Variants in ANKS1B observed in about 807,000 individuals in gnomAD.
ANKS1B encodes the protein ankyrin repeat and sterile alpha motif domain-containing protein 1B.
A neutral mutation model predicts 148.3 loss-of-function variants in ANKS1B; 36 were observed. That is an observed-to-expected ratio of 0.24 (90% CI 0.19 to 0.32). The LOEUF is 0.32. ANKS1B is among the 10% of genes least tolerant of loss of function. The probability of loss-of-function intolerance (pLI) is 1.00; values close to 1 mark genes in which losing one functional copy is unlikely to be tolerated. For synonymous variants in ANKS1B, 542 were observed against 560.8 expected (o/e 0.97, Z 0.47); for missense variants, 1,157 against 1,542.6 (o/e 0.75, Z 4.19).
intron 10 of ANKS1B, among the ~76,000 whole-genome samples, chr12:99,464,414 C>T (rs1299945238): frequency 6.6e-6 from 1 of 152,228 alleles, no homozygotes; most frequent in Non-Finnish European, 1.5e-5. Context: ...TGCAGTTCCT[C>T]ACCAGCAACA....
intron 17 of ANKS1B, among the ~76,000 whole-genome samples, chr12:98,905,535 C>T (rs1047727339): frequency 1.3e-5 from 2 of 152,050 alleles, no homozygotes; most frequent in Non-Finnish European, 1.5e-5. Flanking sequence ...TTTGCGGGGC[C>T]GAGGTGGGAG....
At chr12:99,528,439 A>AAAC (rs939489224) in intron 9 of ANKS1B, among the ~76,000 whole-genome samples, 6 of 98,722 alleles carry the variant, frequency 6.1e-5, no homozygotes, top group African/African-American at 2.3e-4. Context: ...AAACAAAAAA[A>AAAC]AAAACAAAAA....
rs75010823 is a variant in ANKS1B, at chr12:99,804,688, G to A, written c.669+1716C>T. On this transcript the variant is annotated intron_variant, in intron 4 of 26. Coordinates refer to ENST00000683438, the MANE Select transcript of ANKS1B (RefSeq NM_001352186.2). ...CATTTGCCACATTTAGTCCCTCTGG[G>A]TATTCACACCCTTTTACAATTCACG... is the stretch of plus-strand genomic sequence containing the variant. Among the ~76,000 whole-genome samples the A allele has an allele frequency of 7.7e-3, 1,170 of 152,230 alleles. 16 individuals carry two copies. Among genetic ancestry groups the A allele is most frequent in the African/African-American group, 0.027 (1,122 of 41,530 alleles).
intron 8 of ANKS1B, among the ~76,000 whole-genome samples, chr12:99,728,277 T>G (rs1321736456): frequency 3.0e-4 from 46 of 151,706 alleles, no homozygotes; most frequent in Non-Finnish European, 1.5e-5. Flanking sequence ...TAAACAAATT[T>G]ACAAGAAAAA....
intron 9 of ANKS1B, among the ~76,000 whole-genome samples, chr12:99,654,385 C>A (rs2153443518): frequency 6.6e-6 from 1 of 152,266 alleles, no homozygotes; most frequent in South Asian, 2.1e-4. Flanking sequence ...TAACATTATA[C>A]CCTTTCATAT....
chr12:99,418,395 A>G (rs1416426697), intron 11 of ANKS1B, among the ~76,000 whole-genome samples: 2 of 152,186 alleles, frequency 1.3e-5, no homozygotes, highest in African/African-American at 2.4e-5. Context: ...GTGATTATAA[A>G]TGACCTTGTA....
chr12:99,516,517 C>G (rs1005749015), intron 9 of ANKS1B, among the ~76,000 whole-genome samples: 3 of 152,018 alleles, frequency 2.0e-5, no homozygotes, highest in African/African-American at 7.2e-5. Context: ...CATGTTGTCA[C>G]TCATAAGTGG....
Position 99,102,486 on chromosome 12 carries a change from G to A in ANKS1B, c.2527-17463C>T, listed in dbSNP as rs564515312. Among the ~76,000 whole-genome samples, 9 of 152,210 alleles carry A rather than the reference G, an allele frequency of 5.9e-5. No individual in the cohort carries two copies. The East Asian group carries it at 7.7e-4, about 13-fold the overall frequency. ...TGACTGGGTGCACTGGGTCATGCCCGTAATCCCAGCTTTTTGGGAGGCTAA... is the reference window on the plus strand; with the variant it reads ...TGACTGGGTGCACTGGGTCATGCCCATAATCCCAGCTTTTTGGGAGGCTAA... On this transcript the variant is annotated intron_variant, in intron 15 of 26. Coordinates refer to ENST00000683438, the MANE Select transcript of ANKS1B (RefSeq NM_001352186.2).
chr12:99,614,362 G>C (rs371646034), intron 9 of ANKS1B, among the ~76,000 whole-genome samples: 1 of 151,828 alleles, frequency 6.6e-6, no homozygotes, highest in East Asian at 1.9e-4. Context: ...TTGAATGCAG[G>C]AGGCGGAGGT....
Position 99,619,804 on chromosome 12 carries a change from C to T in ANKS1B, c.1272+35263G>A, listed in dbSNP as rs572732664. On this transcript the variant is annotated intron_variant, in intron 9 of 26. Coordinates refer to ENST00000683438, the MANE Select transcript of ANKS1B (RefSeq NM_001352186.2). ...CCCAACTCCACACCTAGGCCCATTT[C>T]TGGGTGCTTGGAGGCCACCCACTGG... Among the ~76,000 whole-genome samples the T allele has an allele frequency of 2.6e-5, 4 of 152,304 alleles. No individual in the cohort carries two copies. In the South Asian group the frequency reaches 8.3e-4, roughly 32 times the overall value.
intron 9 of ANKS1B, among the ~76,000 whole-genome samples, chr12:99,545,182 T>C (rs1397741069): frequency 6.6e-6 from 1 of 152,168 alleles, no homozygotes; most frequent in Non-Finnish European, 1.5e-5. Flanking sequence ...GGAGCTCTAT[T>C]TCTATGTCTG....
intron 17 of ANKS1B, among the ~76,000 whole-genome samples, chr12:99,049,603 TA>T (rs2099964641): frequency 6.6e-6 from 1 of 152,064 alleles, no homozygotes; most frequent in Admixed American, 6.5e-5. Context: ...AGCTGGAAAT[TA>T]AATCAACAAC....
In ANKS1B at chr12:99,862,959, T is replaced by C. The variant is rs543742409; in HGVS notation, c.135-37570A>G. ...CCCCAGGGAGCTCACCCAGTATTTC[T>C]AGACCAGATGGAAAAAACAGTATGC... On this transcript the variant is annotated intron_variant, in intron 1 of 26. Coordinates refer to ENST00000683438, the MANE Select transcript of ANKS1B (RefSeq NM_001352186.2). 9.8e-5 allele frequency among the ~76,000 whole-genome samples: 15 copies of C among 152,320 alleles called. No individual in the cohort carries two copies. In the South Asian group the frequency reaches 3.1e-3, roughly 32 times the overall value.
rs571669503 is a variant in ANKS1B at position 99,525,863 on chromosome 12, GA to G, written c.1273-21223del. Among the ~76,000 whole-genome samples the G allele has an allele frequency of 1.3e-3, 197 of 151,926 alleles. 2 individuals are homozygous for G. The highest frequency in any genetic ancestry group is 4.5e-3 in the African/African-American group (185 of 41,496). ...TATACTACTATTAAATTTGTATAAA[GA>G]AACTAAAATATCATAAAGATCAAGA... is the stretch of plus-strand genomic sequence containing the variant. On this transcript the variant is annotated intron_variant, in intron 9 of 26. Transcript: ENST00000683438.
At position 98,829,807 on chromosome 12, in the gene ANKS1B, C is replaced by T. The variant is rs950412412; in HGVS notation, c.2887-454G>A. Among the ~76,000 whole-genome samples the T allele has an allele frequency of 3.3e-5, 5 of 152,312 alleles. No individual in the cohort carries two copies. In the South Asian group the frequency reaches 6.2e-4, roughly 19 times the overall value. Reference sequence around the variant, plus strand: ...ACAGGGTTGGGAAGAGGACACAGTACGGCAACACAGCATGTCACACGCACA... The same window carrying T: ...ACAGGGTTGGGAAGAGGACACAGTATGGCAACACAGCATGTCACACGCACA... On this transcript the variant is annotated intron_variant, in intron 18 of 26. Transcript: ENST00000683438. This position sits in a 1 kb window ranked among gnomAD's most constrained non-coding sequence, Gnocchi z 5.2.
chr12:99,914,345 G>A (rs1182239483), intron 1 of ANKS1B, among the ~76,000 whole-genome samples: 3 of 152,106 alleles, frequency 2.0e-5, no homozygotes, highest in Non-Finnish European at 4.4e-5. Flanking sequence ...TAACTGAGGT[G>A]GACTGTAATG....
chr12:99,549,635 T>C (rs1371649255), intron 9 of ANKS1B, among the ~76,000 whole-genome samples: 1 of 152,212 alleles, frequency 6.6e-6, no homozygotes, highest in Non-Finnish European at 1.5e-5. Flanking sequence ...AGTGGTTTGC[T>C]TAGTAATAGC....
rs116121622 is a variant in ANKS1B, at chr12:99,826,369, A to G, written c.135-980T>C. Among the ~76,000 whole-genome samples the G allele has an allele frequency of 7.3e-3, 1,115 of 152,354 alleles. 12 individuals carry two copies. The highest frequency in any genetic ancestry group is 0.025 in the African/African-American group (1,052 of 41,588). On this transcript the variant is annotated intron_variant, in intron 1 of 26. Transcript: ENST00000683438. ...AGGCATCTCTGAAAAGAGAATGAAT[A>G]GCTATTCCAAACAAGGGGTCATGGC...
At chr12:99,327,122 ATAAT>A (rs978266948) in intron 12 of ANKS1B, among the ~76,000 whole-genome samples, 25 of 125,642 alleles carry the variant, frequency 2.0e-4, no homozygotes, top group Non-Finnish European at 3.5e-4. Context: ...TATAACTAAT[ATAAT>A]TAATATATTA....
Sources: allele counts gnomAD v4.1 joint callset (sites outside exome capture counted in the v4.1 genomes callset), GRCh38; gene constraint gnomAD v4.1.1; non-coding constraint Gnocchi (gnomAD v3.1); transcripts MANE v1.5; gene names NCBI Gene and HGNC (gene_info 2026-07-23, HGNC 2026-07-21).